PEDS1: variants seen among roughly 807,000 people sequenced by gnomAD.
The protein encoded by PEDS1 is plasmanylethanolamine desaturase 1.
Under a neutral mutation model 35.2 loss-of-function variants are expected in PEDS1, and 14 were observed. The observed-to-expected ratio is 0.40, with a 90% CI of 0.26 to 0.62. The LOEUF is 0.62. Among genes scored for constraint, PEDS1 ranks in the 20% least tolerant of loss-of-function variants. The probability of loss-of-function intolerance (pLI) is 0.44; values close to 1 mark genes in which losing one functional copy is unlikely to be tolerated. For missense variants in PEDS1, 260 were observed against 367.8 expected, an observed-to-expected ratio of 0.71 and a Z score of 2.40; for synonymous variants, 152 against 152.0, an observed-to-expected ratio of 1.00 and a Z score of 0.00.
Position 50,131,033 on chromosome 20 carries a change from CATTT to C in PEDS1, c.242-90_242-87del, listed in dbSNP as rs774030112. The C allele has an allele frequency of 6.3e-5, 101 of 1,606,370 alleles. No homozygotes were observed. In the Middle Eastern group the frequency reaches 6.6e-4, roughly 11 times the overall value. On this transcript the variant is annotated intron_variant, in intron 2 of 5. Transcript: ENST00000371652. Reference sequence around the variant, plus strand: ...TCATTTACTCACTTGCCCGCTCATTCATTTGTTAGGAGGGGAAGGTGTCCCTTCT... The same window carrying C: ...TCATTTACTCACTTGCCCGCTCATTCGTTAGGAGGGGAAGGTGTCCCTTCT...
At chr20:50,131,172 G>T in intron 2 of PEDS1, 1 of 1,084,904 alleles carries the variant, frequency 9.2e-7, no homozygotes, top group Non-Finnish European at 1.4e-6. Context: ...TGCTTGGAGA[G>T]TCTGGAGAGC....
rs2081154687 is a variant in PEDS1, at chr20:50,129,764, A to G, written c.334-74T>C. On this transcript the variant is annotated intron_variant, in intron 3 of 5. Coordinates refer to ENST00000371652, the MANE Select transcript of PEDS1 (RefSeq NM_199129.4). The surrounding 1 kb of genome is among the most constrained non-coding windows in gnomAD (Gnocchi z 4.2). ...CTGCTCTCCACAGCCCCCTAAACAC[A>G]TTCACCCTGGGCTCACCTCCCGCCT... 3 of 1,578,106 alleles carry G rather than the reference A, an allele frequency of 1.9e-6. No homozygotes were observed. The highest frequency in any genetic ancestry group is 2.6e-6 in the Non-Finnish European group (3 of 1,162,174).
At chr20:50,151,198 G>T in intron 1 of PEDS1, 1 of 1,289,454 alleles carries the variant, frequency 7.8e-7, no homozygotes, top group Non-Finnish European at 1.0e-6. Context: ...AGTTTGGCAA[G>T]TCTCCTCCCC....
At position 50,153,498 on chromosome 20, in the gene PEDS1, G is replaced by T. The variant is rs567071722; in HGVS notation, c.121+19C>A. On this transcript the variant is annotated intron_variant, in intron 1 of 5. Transcript: ENST00000371652. Reference sequence around the variant, plus strand: ...GGGGCTGGTGACCGCAGGCCTGGAGGGGGGCCCAGAGGTCTTACCTGGCGA... The same window carrying T: ...GGGGCTGGTGACCGCAGGCCTGGAGTGGGGCCCAGAGGTCTTACCTGGCGA... 1.5e-6 allele frequency: 2 copies of T among 1,351,490 alleles called. No individual in the cohort carries two copies. Among genetic ancestry groups the T allele is most frequent in the South Asian group, 3.3e-5 (2 of 60,616 alleles). 83.7% of individuals were successfully genotyped at this position (1,351,490 alleles called of 1,614,324 possible). A position where few individuals can be genotyped will look rare whatever the true frequency, so the allele number is the denominator to read the frequency against.
intron 5 of PEDS1, among the ~76,000 whole-genome samples, chr20:50,125,544 TTATC>T (rs57011944): frequency 0.28 from 41,462 of 147,176 alleles, 5,874 homozygotes; most frequent in East Asian, 0.39. Flanking sequence ...ACATTACCCT[TTATC>T]TATCTATCTA....
Position 50,129,813 on chromosome 20 carries a change from G to A in PEDS1, c.334-123C>T, listed in dbSNP as rs149766342. 357 of 1,458,276 alleles carry A rather than the reference G, an allele frequency of 2.4e-4. 2 individuals carry two copies. In the African/African-American group the frequency reaches 4.4e-3, roughly 18 times the overall value. The allele number at this position is 1,458,276 out of a possible 1,614,324, so 90.3% of individuals were successfully genotyped here. On this transcript the variant is annotated intron_variant, in intron 3 of 5. Transcript: ENST00000371652. This position sits in a 1 kb window ranked among gnomAD's most constrained non-coding sequence, Gnocchi z 4.2. ...CTTTGATCCTAAGTTTCCTCCACCC[G>A]GGATGCTTGAACATTCCCACCTGGC...
At chr20:50,138,449 C>T (rs1455498145) in intron 2 of PEDS1, among the ~76,000 whole-genome samples, 2 of 152,224 alleles carry the variant, frequency 1.3e-5, no homozygotes, top group Non-Finnish European at 2.9e-5. Context: ...AAATGGGCTG[C>T]TGGGTAAAGG....
Position 50,137,662 on chromosome 20 carries a change from G to A in PEDS1, c.241+5840C>T, listed in dbSNP as rs142410766. Among the ~76,000 whole-genome samples, 239 of 152,252 alleles carry A rather than the reference G, an allele frequency of 1.6e-3. 1 individual carries two copies. The highest frequency in any genetic ancestry group is 5.3e-3 in the African/African-American group (221 of 41,558). ...CCGAGGAGGGTGGATCACAAGGTCC[G>A]GAGATTGAGACCATCCTGGCCAACA... On this transcript the variant is annotated intron_variant, in intron 2 of 5. Coordinates refer to ENST00000371652, the MANE Select transcript of PEDS1 (RefSeq NM_199129.4).
At chr20:50,131,163 G>T in intron 2 of PEDS1, 2 of 1,156,588 alleles carry the variant, frequency 1.7e-6, no homozygotes, top group Non-Finnish European at 2.5e-6. Flanking sequence ...AGACTCATGT[G>T]CTTGGAGAGT....
In PEDS1 at chr20:50,125,172, G is replaced by A. The variant is rs776646798; in HGVS notation, c.699C>T (p.Leu233=). Residue 233 remains leucine, a synonymous_variant, in exon 6 of 6, where the codon CTC becomes CTT. Coordinates refer to ENST00000371652, the MANE Select transcript of PEDS1 (RefSeq NM_199129.4). The part of the protein sequence containing the change: ...ETYFCITTGW[L]NYPLEKIGFW... Reference sequence around the variant, plus strand: ...AGCCTATCTTCTCCAGAGGGTAGTTGAGCCAGCCTGCAGTAGAAATGGCAG... The same window carrying A: ...AGCCTATCTTCTCCAGAGGGTAGTTAAGCCAGCCTGCAGTAGAAATGGCAG... 1 of 1,613,898 alleles carries A rather than the reference G, an allele frequency of 6.2e-7. No homozygotes were observed. Among genetic ancestry groups the A allele is most frequent in the Non-Finnish European group, 8.5e-7 (1 of 1,179,806 alleles).
intron 2 of PEDS1, among the ~76,000 whole-genome samples, chr20:50,136,098 T>TA (rs796896597): frequency 0.014 from 1,969 of 145,546 alleles, 35 homozygotes; most frequent in African/African-American, 0.044. Context: ...CTACTTTTTT[T>TA]AAAAAAAAAA....
Position 50,118,663 on chromosome 20 carries a change from A to G in PEDS1, c.*6395T>C, listed in dbSNP as rs550967272. On this transcript the variant is annotated 3_prime_UTR_variant, in exon 6 of 6. Coordinates refer to ENST00000371652, the MANE Select transcript of PEDS1 (RefSeq NM_199129.4). The stretch of plus-strand genomic sequence containing the variant: ...GAGACAGAGTCTCGCTGTGTCGCCC[A>G]GGCTGGAGTTCAGTGGCGCGATCTC... 3 of 151,242 alleles carry G rather than the reference A, an allele frequency of 2.0e-5. No homozygotes were observed. In the South Asian group the frequency reaches 6.3e-4, roughly 32 times the overall value. 9.4% of individuals were successfully genotyped at this position (151,242 alleles called of 1,614,324 possible).
chr20:50,122,198 C>T lies in PEDS1; in HGVS notation c.*2860G>A, dbSNP rs2081057129. ...ACCACGTTTTGATGAATCATGTGAG[C>T]CCCTGGGTCCTGCCAAACCTTAATT... On this transcript the variant is annotated 3_prime_UTR_variant, in exon 6 of 6. Coordinates refer to ENST00000371652, the MANE Select transcript of PEDS1 (RefSeq NM_199129.4). 1 of 152,180 alleles carries T rather than the reference C, an allele frequency of 6.6e-6. No individual in the cohort carries two copies. Among genetic ancestry groups the T allele is most frequent in the Non-Finnish European group, 1.5e-5 (1 of 68,040 alleles). The allele number at this position is 152,180 out of a possible 1,614,324, so 9.4% of individuals were successfully genotyped here.
In PEDS1 at chr20:50,120,526, A is replaced by G. The variant is rs560688754; in HGVS notation, c.*4532T>C. 1 of 151,734 alleles carries G rather than the reference A, an allele frequency of 6.6e-6. No homozygotes were observed. The highest frequency in any genetic ancestry group is 1.9e-4 in the East Asian group (1 of 5,148). The allele number at this position is 151,734 out of a possible 1,614,324, so 9.4% of individuals were successfully genotyped here. ...TATATATATGTGGGTAGCTTGAAAA[A>G]TATTTTTGGTTTATCAAAGGAGGGT... On this transcript the variant is annotated 3_prime_UTR_variant, in exon 6 of 6. Transcript: ENST00000371652.
chr20:50,131,028 T>G, intron 2 of PEDS1, 81 bp from the exon 3 acceptor site: 1 of 1,609,350 alleles, frequency 6.2e-7, no homozygotes, highest in Non-Finnish European at 8.5e-7. Context: ...ACTTGCCCGC[T>G]CATTCATTTG....
chr20:50,153,438 G>T, intron 1 of PEDS1, 79 bp downstream of exon 1: 1 of 1,242,710 alleles, frequency 8.0e-7, no homozygotes, highest in South Asian at 3.1e-5. Context: ...TGGGCCCGAG[G>T]TTGGGACTCC....
rs1293494092 is a variant in PEDS1 at position 50,122,494 on chromosome 20, AG to A, written c.*2563del. ...AAGGTGGGTGGATCACCTGAAGTCAAGAGTTGGAGACCAGCCTGGCCAACAT... is the reference window on the plus strand; with the variant it reads ...AAGGTGGGTGGATCACCTGAAGTCAAAGTTGGAGACCAGCCTGGCCAACAT... On this transcript the variant is annotated 3_prime_UTR_variant, in exon 6 of 6. Transcript: ENST00000371652. 6.6e-6 allele frequency: 1 copy of A among 152,100 alleles called. No homozygotes were observed. The highest frequency in any genetic ancestry group is 1.5e-5 in the Non-Finnish European group (1 of 68,012). 9.4% of individuals were successfully genotyped at this position (152,100 alleles called of 1,614,324 possible). A position where few individuals can be genotyped will look rare whatever the true frequency, so the allele number is the denominator to read the frequency against.
chr20:50,149,333 T>G (rs978796587), intron 1 of PEDS1, among the ~76,000 whole-genome samples: 3 of 152,172 alleles, frequency 2.0e-5, no homozygotes, highest in African/African-American at 7.2e-5. Flanking sequence ...ACAGTTGGCC[T>G]GGGTGGGGTA....
rs564503232 is a variant in PEDS1 at position 50,141,576 on chromosome 20, A to G, written c.241+1926T>C. ...AGGCTGAGAGATGCAATGTGGCCCA[A>G]GGCCACAGAGCCAGGAGGTGGTAGA... On this transcript the variant is annotated intron_variant, in intron 2 of 5. Transcript: ENST00000371652. 2.0e-5 allele frequency among the ~76,000 whole-genome samples: 3 copies of G among 152,350 alleles called. No homozygotes were observed. In the South Asian group the frequency reaches 6.2e-4, roughly 32 times the overall value.
Sources: gnomAD v4.1 joint callset for allele counts (sites outside exome capture counted in the v4.1 genomes callset) on GRCh38, gnomAD v4.1.1 for gene constraint, Gnocchi (gnomAD v3.1) non-coding constraint, MANE v1.5 for transcripts, NCBI Gene and HGNC (gene_info 2026-07-23, HGNC 2026-07-21) for gene names.